RALGPS2: variants seen among roughly 807,000 people sequenced by gnomAD.
The protein encoded by RALGPS2 is Ral GEF with PH domain and SH3 binding motif 2.
In RALGPS2, 43 loss-of-function variants were observed where a neutral mutation model predicts 86.8. The ratio of observed to expected loss-of-function variants is 0.50; its 90% CI spans 0.39 to 0.64. RALGPS2 has a LOEUF of 0.64. RALGPS2 is among the 30% of genes least tolerant of loss of function. The pLI is 0.00. For synonymous variants in RALGPS2, 243 were observed against 231.3 expected (o/e 1.05, Z -0.46); for missense variants, 536 against 694.6 (o/e 0.77, Z 2.57).
chr1:178,730,250 C>T (rs1247612453), intron 1 of RALGPS2, among the ~76,000 whole-genome samples: 1 of 152,086 alleles, frequency 6.6e-6, no homozygotes, highest in Non-Finnish European at 1.5e-5. Context: ...CCCTGTTTTT[C>T]AGTTTTCCTG....
intron 1 of RALGPS2, among the ~76,000 whole-genome samples, chr1:178,737,676 T>A (rs944014275): frequency 6.6e-6 from 1 of 152,244 alleles, no homozygotes; most frequent in Non-Finnish European, 1.5e-5. Flanking sequence ...TTTTATGGCT[T>A]AAATATTTTT....
chr1:178,856,198 G>GATATATATATATATATATAT (rs1232946834), intron 8 of RALGPS2, among the ~76,000 whole-genome samples: 10 of 47,272 alleles, frequency 2.1e-4, no homozygotes, highest in African/African-American at 5.6e-4. Flanking sequence ...TCCAGAGAGA[G>GATATATATATATATATATAT]AGAGATATAT....
At chr1:178,866,935 A>G (rs577711720) in intron 8 of RALGPS2, among the ~76,000 whole-genome samples, 3 of 152,254 alleles carry the variant, frequency 2.0e-5, no homozygotes, top group African/African-American at 7.2e-5. Flanking sequence ...AGAGTAGCAG[A>G]AGTAGAATGG....
intron 1 of RALGPS2, among the ~76,000 whole-genome samples, chr1:178,773,865 A>G (rs2102096897): frequency 6.6e-6 from 1 of 152,228 alleles, no homozygotes; most frequent in East Asian, 1.9e-4. Context: ...TCTTTAAGGT[A>G]TGCTTTGCTA....
At chr1:178,825,840 C>T (rs75170615) in intron 7 of RALGPS2, among the ~76,000 whole-genome samples, 3,764 of 152,244 alleles carry the variant, frequency 0.025, 149 homozygotes, top group African/African-American at 0.086. Flanking sequence ...TTCACCATCA[C>T]ATAAAATTCT....
chr1:178,752,133 ATTTT>A (rs201582341), intron 1 of RALGPS2, among the ~76,000 whole-genome samples: 1 of 136,200 alleles, frequency 7.3e-6, no homozygotes, highest in Non-Finnish European at 1.6e-5. Context: ...TTGTGTAGTA[ATTTT>A]TTTTTTTTTT....
intron 1 of RALGPS2, among the ~76,000 whole-genome samples, chr1:178,729,975 T>G (rs1650242905): frequency 6.6e-6 from 1 of 152,222 alleles, no homozygotes; most frequent in African/African-American, 2.4e-5. Context: ...AGAGTATTGC[T>G]CTATCGCCCA....
At position 178,730,804 on chromosome 1, in the gene RALGPS2, C is replaced by T. The variant is rs546663255; in HGVS notation, c.-84+5385C>T. The stretch of plus-strand genomic sequence containing the variant: ...ACAACCTCTGCTTCCCGGGTTTAAG[C>T]GATTCTCCTGCCTCAGCCTCCCAAG... On this transcript the variant is annotated intron_variant, in intron 1 of 19. Coordinates refer to ENST00000367635, the MANE Select transcript of RALGPS2 (RefSeq NM_152663.5). 2.0e-3 allele frequency among the ~76,000 whole-genome samples: 302 copies of T among 151,430 alleles called. 2 individuals are homozygous for T. The highest frequency in any genetic ancestry group is 6.9e-3 in the African/African-American group (283 of 41,232).
intron 1 of RALGPS2, among the ~76,000 whole-genome samples, chr1:178,737,536 G>A (rs747897624): frequency 3.3e-5 from 5 of 151,920 alleles, no homozygotes; most frequent in African/African-American, 1.2e-4. Flanking sequence ...ATGAGCCACC[G>A]CACCTGGCCA....
At chr1:178,800,120 C>A (rs775308474) in intron 4 of RALGPS2, among the ~76,000 whole-genome samples, 2 of 152,020 alleles carry the variant, frequency 1.3e-5, no homozygotes, top group Non-Finnish European at 2.9e-5. Flanking sequence ...TGAGCCAGTG[C>A]CAGATGATGA....
chr1:178,801,711 A>T (rs1013593961), intron 4 of RALGPS2, among the ~76,000 whole-genome samples: 2 of 152,010 alleles, frequency 1.3e-5, no homozygotes, highest in African/African-American at 4.8e-5. Context: ...TGGATATGGC[A>T]AAAAAGGTAG....
intron 1 of RALGPS2, among the ~76,000 whole-genome samples, chr1:178,759,366 T>G (rs1367476448): frequency 6.6e-6 from 1 of 152,130 alleles, no homozygotes; most frequent in Non-Finnish European, 1.5e-5. Flanking sequence ...TTGGCACCTT[T>G]GTTGAAAATG....
intron 2 of RALGPS2, among the ~76,000 whole-genome samples, 181 bp downstream of exon 2, chr1:178,777,002 C>T (rs573539873): frequency 2.6e-4 from 40 of 151,112 alleles, no homozygotes; most frequent in Admixed American, 2.1e-3. Flanking sequence ...GCACATTGTG[C>T]GGGTTAGTTA....
At chr1:178,889,542 CATTTT>C (rs1471145994) in intron 13 of RALGPS2, 95 bp from the exon 14 acceptor site, 3 of 813,988 alleles carry the variant, frequency 3.7e-6, no homozygotes, top group Non-Finnish European at 6.3e-6. Flanking sequence ...ATGCGATTGT[CATTTT>C]ATGAGCATAG....
chr1:178,731,271 G>GTTTTT (rs1491268143), intron 1 of RALGPS2, among the ~76,000 whole-genome samples: 7 of 69,378 alleles, frequency 1.0e-4, no homozygotes, highest in African/African-American at 2.1e-4. Flanking sequence ...TAGTTGTTTT[G>GTTTTT]GTTTTTTTTT....
intron 8 of RALGPS2, chr1:178,865,065 C>G (rs868159800): frequency 6.6e-7 from 1 of 1,516,744 alleles, no homozygotes; most frequent in South Asian, 1.3e-5. Flanking sequence ...CTCTGAATCT[C>G]GTTACCTCCC....
rs1386160879 is a variant in RALGPS2 at position 178,767,221 on chromosome 1, G to C, written c.-83-9461G>C. Among the ~76,000 whole-genome samples the C allele has an allele frequency of 2.6e-5, 4 of 152,180 alleles. No homozygotes were observed. In the South Asian group the frequency reaches 6.2e-4, roughly 24 times the overall value. On this transcript the variant is annotated intron_variant, in intron 1 of 19. Transcript: ENST00000367635. ...AATTCTATTTCTGTCATTTCAGCCA[G>C]GTTATGAATAATTGCTGGGGAACCA...
At position 178,841,669 on chromosome 1, in the gene RALGPS2, G is replaced by A. The variant is rs1656614918; in HGVS notation, c.607+8119G>A. ...TGGCCAGGGCAATTAGACAGGAGAA[G>A]GAAATAAAGGGTATTCAATTAGGAA... is the stretch of plus-strand genomic sequence containing the variant. On this transcript the variant is annotated intron_variant, in intron 8 of 19. Coordinates refer to ENST00000367635, the MANE Select transcript of RALGPS2 (RefSeq NM_152663.5). Among the ~76,000 whole-genome samples the A allele has an allele frequency of 1.9e-4, 13 of 67,562 alleles. No individual in the cohort carries two copies. In the South Asian group the frequency reaches 7.1e-3, roughly 37 times the overall value. The allele number at this position is 67,562 out of a possible 152,430, so 44.3% of individuals were successfully genotyped here. A position where few individuals can be genotyped will look rare whatever the true frequency, so the allele number is the denominator to read the frequency against.
chr1:178,812,852 C>T (rs1655048196), intron 6 of RALGPS2, among the ~76,000 whole-genome samples: 3 of 151,530 alleles, frequency 2.0e-5, no homozygotes, highest in African/African-American at 7.3e-5. Flanking sequence ...CAGAGCTAGC[C>T]TTCTACAAAT....
Sources: gnomAD v4.1 joint callset for allele counts (sites outside exome capture counted in the v4.1 genomes callset) on GRCh38, gnomAD v4.1.1 for gene constraint, MANE v1.5 for transcripts, NCBI Gene and HGNC (gene_info 2026-07-23, HGNC 2026-07-21) for gene names.